The following INPP5B variants were observed in gnomAD, a reference collection of about 807,000 sequenced individuals.
INPP5B encodes the protein inositol polyphosphate-5-phosphatase B, also known as type II inositol 1,4,5-trisphosphate 5-phosphatase.
In INPP5B, 90 loss-of-function variants were observed where a neutral mutation model predicts 118.5. The ratio of observed to expected loss-of-function variants is 0.76; its 90% confidence interval spans 0.64 to 0.90. The LOEUF is 0.90. Among genes scored for constraint, INPP5B ranks in the 40% least tolerant of loss-of-function variants. The pLI is 0.00. For synonymous variants in INPP5B, 385 were observed against 418.9 expected (o/e 0.92, Z 0.99); for missense variants, 984 against 1,125.6 (o/e 0.87, Z 1.80).
chr1:37,906,338 A>T (rs1232706890), intron 7 of INPP5B, among the ~76,000 whole-genome samples: 1 of 152,230 alleles, frequency 6.6e-6, no homozygotes, highest in Non-Finnish European at 1.5e-5. Context: ...ACTTCAGGAT[A>T]CAAACCCATG....
chr1:37,905,127 G>A (rs1034663683), intron 7 of INPP5B, among the ~76,000 whole-genome samples: 5 of 151,918 alleles, frequency 3.3e-5, no homozygotes, highest in Non-Finnish European at 5.9e-5. Context: ...GAGGCCAGGC[G>A]TGGTGGCTCA....
intron 7 of INPP5B, among the ~76,000 whole-genome samples, chr1:37,903,478 G>A (rs1288447168): frequency 6.6e-6 from 1 of 152,176 alleles, no homozygotes; most frequent in African/African-American, 2.4e-5. Flanking sequence ...TGTAATCCCA[G>A]CACTTTGAGA....
At chr1:37,931,258 C>T (rs575359514) in intron 7 of INPP5B, 1 of 408,334 alleles carries the variant, frequency 2.4e-6, no homozygotes, top group South Asian at 2.1e-5. Context: ...CAACACATAC[C>T]ATACCTCACC....
intron 7 of INPP5B, among the ~76,000 whole-genome samples, 172 bp from the exon 8 acceptor site, chr1:37,891,626 T>A (rs1226502736): frequency 1.3e-5 from 2 of 151,590 alleles, no homozygotes; most frequent in African/African-American, 2.4e-5. Flanking sequence ...AATACAAAAT[T>A]AGCCAGGCAT....
At chr1:37,862,557 A>AT in intron 23 of INPP5B, 127 bp from the exon 24 acceptor site, 1 of 672,240 alleles carries the variant, frequency 1.5e-6, no homozygotes, top group Non-Finnish European at 2.6e-6. Context: ...TGCAAACATC[A>AT]TAGCGTGTAC....
intron 16 of INPP5B, among the ~76,000 whole-genome samples, chr1:37,876,580 A>AG (rs1642825838): frequency 6.8e-6 from 1 of 147,410 alleles, no homozygotes; most frequent in African/African-American, 2.5e-5. Context: ...AAAAAAAAAA[A>AG]AGGGCCCGGT....
At chr1:37,932,077 G>C (rs773844094) in intron 6 of INPP5B, 24 bp from the exon 7 acceptor site, 6 of 1,552,088 alleles carry the variant, frequency 3.9e-6, no homozygotes, top group Non-Finnish European at 5.2e-6. Context: ...AATGGGGGCA[G>C]ACTGAGCCAC....
chr1:37,944,340 ACTCT>A (rs1646040816), intron 3 of INPP5B, among the ~76,000 whole-genome samples: 1 of 151,290 alleles, frequency 6.6e-6, no homozygotes, highest in Non-Finnish European at 1.5e-5. Context: ...GACAACTATT[ACTCT>A]CTCTCTGCTT....
intron 7 of INPP5B, among the ~76,000 whole-genome samples, chr1:37,925,332 C>T (rs1645189073): frequency 6.6e-6 from 1 of 152,092 alleles, no homozygotes; most frequent in South Asian, 2.1e-4. Flanking sequence ...GAAAGAAAGT[C>T]TCTTCTCATT....
chr1:37,878,871 A>T (rs1218836438), intron 15 of INPP5B, among the ~76,000 whole-genome samples: 1 of 149,104 alleles, frequency 6.7e-6, no homozygotes, highest in African/African-American at 2.5e-5. Context: ...GCTGGTCTTG[A>T]ACTCCTGAGC....
intron 3 of INPP5B, among the ~76,000 whole-genome samples, chr1:37,944,721 A>G (rs1202443256): frequency 4.0e-5 from 6 of 151,188 alleles, no homozygotes; most frequent in Non-Finnish European, 8.8e-5. Context: ...AGCTGAGACT[A>G]CAGGCATGCA....
Position 37,865,619 on chromosome 1 carries a change from CATAAG to C in INPP5B, c.2514+137_2514+141del, listed in dbSNP as rs1641981036. On this transcript the variant is annotated intron_variant, in intron 22 of 23. Transcript: ENST00000373024. ...GTGATGCCATTAAAAGAAACAAAGA[CATAAG>C]AGAAAGAGCAGGTTTGAGAAGGAAA... 28 of 882,540 alleles carry C rather than the reference CATAAG, an allele frequency of 3.2e-5. No individual in the cohort carries two copies. The South Asian group carries it at 4.7e-4, about 15-fold the overall frequency. 54.7% of individuals were successfully genotyped at this position (882,540 alleles called of 1,614,324 possible). A position where few individuals can be genotyped will look rare whatever the true frequency, so the allele number is the denominator to read the frequency against.
At chr1:37,868,983 TTTTA>T (rs960784339) in intron 19 of INPP5B, among the ~76,000 whole-genome samples, 1 of 152,072 alleles carries the variant, frequency 6.6e-6, no homozygotes, top group Non-Finnish European at 1.5e-5. Flanking sequence ...TTTGATTTTC[TTTTA>T]TTTTTTTTTA....
At chr1:37,896,642 T>C (rs1570164932) in intron 7 of INPP5B, among the ~76,000 whole-genome samples, 2 of 106,246 alleles carry the variant, frequency 1.9e-5, no homozygotes, top group East Asian at 2.9e-4. Context: ...GTCCGGGAGG[T>C]GAGGGGCGCC....
chr1:37,873,118 C>T lies in INPP5B; in HGVS notation c.1999G>A (p.Ala667Thr). 1 of 1,614,106 alleles carries T rather than the reference C, an allele frequency of 6.2e-7. No homozygotes were observed. Among genetic ancestry groups the T allele is most frequent in the Non-Finnish European group, 8.5e-7 (1 of 1,179,970 alleles). ...DLELFVNKMT[A>T]TKLNSGEDKI... ...TCTTCACCCGAGTTGAGCTTTGTAGCTGTCATCTTATTTACGAAGAGCTCC... is the reference window on the plus strand; with the variant it reads ...TCTTCACCCGAGTTGAGCTTTGTAGTTGTCATCTTATTTACGAAGAGCTCC... Residue 667 changes from alanine to threonine, a missense_variant, in exon 19 of 24, where the codon GCT becomes ACT. Ala to Thr is a moderately conservative substitution (Grantham distance 58, BLOSUM62 0). Around this residue, in one of 2 missense-constraint regions of INPP5B, gnomAD observed 634 missense variants for 791.0 expected, o/e 0.80. Coordinates refer to ENST00000373024, the MANE Select transcript of INPP5B (RefSeq NM_005540.3).
At chr1:37,862,728 C>A (rs1035717735) in intron 23 of INPP5B, among the ~76,000 whole-genome samples, 1 of 152,160 alleles carries the variant, frequency 6.6e-6, no homozygotes. Context: ...AAAGGCACAT[C>A]AAAAATACGG....
At chr1:37,869,549 G>C (rs987193657) in intron 19 of INPP5B, among the ~76,000 whole-genome samples, 1 of 151,666 alleles carries the variant, frequency 6.6e-6, no homozygotes, top group African/African-American at 2.4e-5. Flanking sequence ...GTGCGATCTC[G>C]GCTCACTGCA....
chr1:37,933,589 G>A (rs1035645846), intron 6 of INPP5B, among the ~76,000 whole-genome samples: 71 of 149,046 alleles, frequency 4.8e-4, no homozygotes, highest in Middle Eastern at 7.0e-3. Context: ...GTGTGGTGGC[G>A]GGCACCTGTA....
intron 7 of INPP5B, among the ~76,000 whole-genome samples, chr1:37,924,660 A>C (rs1645164459): frequency 6.6e-6 from 1 of 151,894 alleles, no homozygotes; most frequent in Non-Finnish European, 1.5e-5. Context: ...TAATCCCAGC[A>C]CTTTGGGAGG....
Sources: allele counts gnomAD v4.1 joint callset (sites outside exome capture counted in the v4.1 genomes callset), GRCh38; gene constraint gnomAD v4.1.1; regional missense constraint gnomAD v4.1.1; transcripts MANE v1.5; gene names NCBI Gene and HGNC (gene_info 2026-07-23, HGNC 2026-07-21).